The following CD2BP2 variants were observed in gnomAD, a reference collection of about 807,000 sequenced individuals.
The protein encoded by CD2BP2 is CD2 antigen cytoplasmic tail-binding protein 2.
Under a neutral mutation model 35.9 loss-of-function variants are expected in CD2BP2, and 27 were observed. The ratio of observed to expected loss-of-function variants is 0.75; its 90% CI spans 0.55 to 1.04. CD2BP2 has a LOEUF of 1.04. Among genes scored for constraint, CD2BP2 ranks in the 50% least tolerant of loss-of-function variants. The pLI is 0.00. For synonymous variants in CD2BP2, 213 were observed against 173.5 expected, an observed-to-expected ratio of 1.23 and a Z score of -1.79; for missense variants, 497 against 444.3, an observed-to-expected ratio of 1.12 and a Z score of -1.07.
In CD2BP2 at chr16:30,355,293, C is replaced by T. The variant is rs984107625; in HGVS notation, c.-108G>A. On this transcript the variant is annotated 5_prime_UTR_variant, in exon 1 of 7. The change creates a new upstream start codon in the 5' untranslated region. Transcript: ENST00000305596. ...CATCCGGGGCACCCGGCCGCCATCA[C>T]CCGGAAGAGGACTGCGGAAGGCGCC... The T allele has an allele frequency of 1.2e-4, 19 of 152,462 alleles. No homozygotes were observed. The highest frequency in any genetic ancestry group is 1.2e-3 in the Admixed American group (19 of 15,294). 9.4% of individuals were successfully genotyped at this position (152,462 alleles called of 1,614,324 possible). A position where few individuals can be genotyped will look rare whatever the true frequency, so the allele number is the denominator to read the frequency against.
At chr16:30,354,915 G>T in intron 1 of CD2BP2, 1 of 542,382 alleles carries the variant, frequency 1.8e-6, no homozygotes, top group Non-Finnish European at 3.3e-6. Flanking sequence ...GGACGGAGGA[G>T]CGGACCCTCT....
chr16:30,352,459 A>G lies in CD2BP2; in HGVS notation c.*526T>C, dbSNP rs1567406141. On this transcript the variant is annotated 3_prime_UTR_variant, in exon 7 of 7. Coordinates refer to ENST00000305596, the MANE Select transcript of CD2BP2 (RefSeq NM_006110.3). ...CTCATCCCACTTCTGCCCAGCATCT[A>G]AGGAGCTTGAGAGGGTGAAGCGAGA... 1 of 155,804 alleles carries G rather than the reference A, an allele frequency of 6.4e-6. No homozygotes were observed. Among genetic ancestry groups the G allele is most frequent in the East Asian group, 1.9e-4 (1 of 5,254 alleles). The allele number at this position is 155,804 out of a possible 1,614,324, so 9.7% of individuals were successfully genotyped here.
Position 30,354,260 on chromosome 16 carries a change from C to T in CD2BP2, c.141G>A (p.Leu47=), listed in dbSNP as rs554649315. 6.2e-7 allele frequency: 1 copy of T among 1,614,072 alleles called. No individual in the cohort carries two copies. The highest frequency in any genetic ancestry group is 1.1e-5 in the South Asian group (1 of 91,076). The part of the protein sequence containing the change: ...PGSRFKGKHS[L]DSDEEEDDDD... ...CATCATCCTCCTCCTCATCGCTATC[C>T]AAAGAGTGTTTGCCTTTAAAGCGGC... Residue 47 remains leucine, a synonymous_variant, in exon 3 of 7, where the codon TTG becomes TTA. Coordinates refer to ENST00000305596, the MANE Select transcript of CD2BP2 (RefSeq NM_006110.3).
intron 6 of CD2BP2, 24 bp from the exon 7 acceptor site, chr16:30,353,119 G>A (rs746824111): frequency 6.2e-7 from 1 of 1,609,460 alleles, no homozygotes; most frequent in Non-Finnish European, 8.5e-7. Context: ...GCAGAGCTGG[G>A]GAACAACTGA....
At position 30,351,398 on chromosome 16, in the gene CD2BP2, C is replaced by G. The variant is rs1349529178; in HGVS notation, c.*1587G>C. 2 of 152,306 alleles carry G rather than the reference C, an allele frequency of 1.3e-5. No homozygotes were observed. Among genetic ancestry groups the G allele is most frequent in the East Asian group, 1.9e-4 (1 of 5,200 alleles). 9.4% of individuals were successfully genotyped at this position (152,306 alleles called of 1,614,324 possible). A position where few individuals can be genotyped will look rare whatever the true frequency, so the allele number is the denominator to read the frequency against. The stretch of plus-strand genomic sequence containing the variant: ...CAGCCCTGAAACCTGCTTTCCACTT[C>G]CGGACCTTTCTGAAATCAAGACGCA... On this transcript the variant is annotated 3_prime_UTR_variant, in exon 7 of 7. Coordinates refer to ENST00000305596, the MANE Select transcript of CD2BP2 (RefSeq NM_006110.3).
In CD2BP2 at chr16:30,350,806, C is replaced by CTAGAG. The variant is rs2049475968; in HGVS notation, c.*2174_*2178dup. The stretch of plus-strand genomic sequence containing the variant: ...CACACCAATTTATTATCTTACAGTT[C>CTAGAG]TAGAGGTCAGGAGTCCAAAATGGTT... On this transcript the variant is annotated 3_prime_UTR_variant, in exon 7 of 7. Coordinates refer to ENST00000305596, the MANE Select transcript of CD2BP2 (RefSeq NM_006110.3). 6.6e-6 allele frequency: 1 copy of CTAGAG among 152,260 alleles called. No homozygotes were observed. Among genetic ancestry groups the CTAGAG allele is most frequent in the Non-Finnish European group, 1.5e-5 (1 of 68,062 alleles). 9.4% of individuals were successfully genotyped at this position (152,260 alleles called of 1,614,324 possible).
In CD2BP2 at chr16:30,354,662, G is replaced by A. The variant is rs768796593; in HGVS notation, c.20C>T (p.Thr7Ile). 6 of 1,613,880 alleles carry A rather than the reference G, an allele frequency of 3.7e-6. No homozygotes were observed. Among genetic ancestry groups the A allele is most frequent in the East Asian group, 2.2e-5 (1 of 44,878 alleles). The change falls in exon 2 of 7, where the codon ACC becomes ATC. Residue 7 changes from threonine (T) to isoleucine (I), a missense_variant. By Grantham distance (89) the Thr-to-Ile change is moderately conservative (BLOSUM62 -1). Coordinates refer to ENST00000305596, the MANE Select transcript of CD2BP2 (RefSeq NM_006110.3). MPKRKV[T>I]FQGVGDEEDE... ...CTCCTCATCTCCCACGCCTTGGAAGGTCACTTTCCTCTTTGGCATGACGGG... is the reference window on the plus strand; with the variant it reads ...CTCCTCATCTCCCACGCCTTGGAAGATCACTTTCCTCTTTGGCATGACGGG...
rs759878445 is a variant in CD2BP2 at position 30,353,864 on chromosome 16, C to T, written c.375+37G>A. On this transcript the variant is annotated intron_variant, in intron 4 of 6. Transcript: ENST00000305596. The stretch of plus-strand genomic sequence containing the variant: ...ACGGGAGCAGGCCCAGCATCTGCCA[C>T]TCCCAGGCCCCAGCCACGCCAGCCC... 9 of 1,611,046 alleles carry T rather than the reference C, an allele frequency of 5.6e-6. No individual in the cohort carries two copies. In the East Asian group the frequency reaches 1.8e-4, roughly 32 times the overall value.
intron 2 of CD2BP2, 123 bp from the exon 3 acceptor site, chr16:30,354,445 C>T: frequency 7.2e-7 from 1 of 1,386,966 alleles, no homozygotes; most frequent in Non-Finnish European, 9.9e-7. Context: ...CCAAATATTT[C>T]AGGAGCCACA....
Position 30,352,926 on chromosome 16 carries a change from G to C in CD2BP2, c.*59C>G, listed in dbSNP as rs1217691548. 1 of 1,060,590 alleles carries C rather than the reference G, an allele frequency of 9.4e-7. No homozygotes were observed. Among genetic ancestry groups the C allele is most frequent in the African/African-American group, 1.6e-5 (1 of 64,016 alleles). The allele number at this position is 1,060,590 out of a possible 1,614,324, so 65.7% of individuals were successfully genotyped here. ...AATTTCCTCGCTGCCTGAGACACTTGGTGCCTCCTCCACAAAGTCCAGGAA... is the reference window on the plus strand; with the variant it reads ...AATTTCCTCGCTGCCTGAGACACTTCGTGCCTCCTCCACAAAGTCCAGGAA... On this transcript the variant is annotated 3_prime_UTR_variant, in exon 7 of 7. Coordinates refer to ENST00000305596, the MANE Select transcript of CD2BP2 (RefSeq NM_006110.3).
rs571832991 is a variant in CD2BP2 at position 30,353,388 on chromosome 16, G to A, written c.788C>T (p.Pro263Leu). ...EELAEEELET[P>L]TPTQRGEAES... ...CTCACCTCCTCTCTGGGTAGGGGTT[G>A]GGGTCTCCAGTTCCTCCTCCGCCAA... The change falls in exon 5 of 7, where the codon CCA (proline) becomes CTA (leucine). Residue 263 changes from proline (P) to leucine (L), a missense_variant. By Grantham distance (98) the Pro-to-Leu change is moderately conservative. Coordinates refer to ENST00000305596, the MANE Select transcript of CD2BP2 (RefSeq NM_006110.3). The A allele has an allele frequency of 2.5e-6, 4 of 1,614,060 alleles. No individual in the cohort carries two copies. Among genetic ancestry groups the A allele is most frequent in the Middle Eastern group, 1.6e-4 (1 of 6,062 alleles).
chr16:30,353,883 C>G lies in CD2BP2; in HGVS notation c.375+18G>C, dbSNP rs1203433693. On this transcript the variant is annotated intron_variant, in intron 4 of 6. Transcript: ENST00000305596. ...CTGCCACTCCCAGGCCCCAGCCACGCCAGCCCCTGGGCCGCACCCAGTCAA... is the reference window on the plus strand; with the variant it reads ...CTGCCACTCCCAGGCCCCAGCCACGGCAGCCCCTGGGCCGCACCCAGTCAA... The G allele has an allele frequency of 6.2e-7, 1 of 1,613,178 alleles. No individual in the cohort carries two copies. The highest frequency in any genetic ancestry group is 1.3e-5 in the African/African-American group (1 of 74,938).
Position 30,352,060 on chromosome 16 carries a change from GCCAC to G in CD2BP2, c.*921_*924del, listed in dbSNP as rs2049486521. 1 of 152,522 alleles carries G rather than the reference GCCAC, an allele frequency of 6.6e-6. No individual in the cohort carries two copies. Among genetic ancestry groups the G allele is most frequent in the South Asian group, 2.1e-4 (1 of 4,836 alleles). The allele number at this position is 152,522 out of a possible 1,614,324, so 9.4% of individuals were successfully genotyped here. On this transcript the variant is annotated 3_prime_UTR_variant, in exon 7 of 7. Coordinates refer to ENST00000305596, the MANE Select transcript of CD2BP2 (RefSeq NM_006110.3). Reference sequence around the variant, plus strand: ...ACATCTGTCTATTTCCCATGCCCCTGCCACCAGACTCTGAATTCCTGGAAGGGGA... The same window carrying G: ...ACATCTGTCTATTTCCCATGCCCCTGCAGACTCTGAATTCCTGGAAGGGGA...
intron 4 of CD2BP2, 23 bp from the exon 5 acceptor site, chr16:30,353,823 T>C: frequency 6.2e-7 from 1 of 1,605,806 alleles, no homozygotes; most frequent in South Asian, 1.1e-5. Context: ...GATGGAGTGA[T>C]TTCCCACCAA....
At chr16:30,354,406 C>T (rs1389382354) in intron 2 of CD2BP2, 84 bp from the exon 3 acceptor site, 5 of 1,485,598 alleles carry the variant, frequency 3.4e-6, no homozygotes, top group Non-Finnish European at 4.6e-6. Context: ...CAAATATTCC[C>T]CAAATATTTC....
rs555022659 is a variant in CD2BP2 at position 30,352,969 on chromosome 16, T to C, written c.*16A>G. ...TCCAGGAAAGAAGGGCCCACCAAACTGGGCCCCCAGCAGGCTCAGGTGTAG... is the reference window on the plus strand; with the variant it reads ...TCCAGGAAAGAAGGGCCCACCAAACCGGGCCCCCAGCAGGCTCAGGTGTAG... On this transcript the variant is annotated 3_prime_UTR_variant, in exon 7 of 7. Coordinates refer to ENST00000305596, the MANE Select transcript of CD2BP2 (RefSeq NM_006110.3). 23 of 1,552,346 alleles carry C rather than the reference T, an allele frequency of 1.5e-5. 2 individuals carry two copies. The South Asian group carries it at 2.4e-4, about 17-fold the overall frequency.
chr16:30,352,982 G>GGCT lies in CD2BP2; in HGVS notation c.1026_*2dup. On this transcript the variant is annotated 3_prime_UTR_variant, in exon 7 of 7. Transcript: ENST00000305596. ...GGCCCACCAAACTGGGCCCCCAGCA[G>GGCT]GCTCAGGTGTAGAGGTCAAAGTCAA... 6.3e-7 allele frequency: 1 copy of GGCT among 1,598,776 alleles called. No homozygotes were observed. Among genetic ancestry groups the GGCT allele is most frequent in the Non-Finnish European group, 8.6e-7 (1 of 1,166,010 alleles).
chr16:30,353,647 G>A lies in CD2BP2; in HGVS notation c.529C>T (p.Arg177Cys), dbSNP rs1194682744. ...PRETVAGALR[R>C]LGARGGGKGR... The stretch of plus-strand genomic sequence containing the variant: ...TTGCCTCCTCCTCGGGCCCCCAGAC[G>A]CCTCAGTGCCCCAGCCACTGTCTCT... Residue 177 changes from arginine (R) to cysteine (C), a missense_variant, in exon 5 of 7, where the codon CGT (arginine) becomes TGT (cysteine). Transcript: ENST00000305596. 8 of 1,612,986 alleles carry A rather than the reference G, an allele frequency of 5.0e-6. No homozygotes were observed. The highest frequency in any genetic ancestry group is 5.9e-6 in the Non-Finnish European group (7 of 1,179,740).
Position 30,353,908 on chromosome 16 carries a change from A to T in CD2BP2, c.368T>A (p.Ile123Asn). 3.7e-6 allele frequency: 6 copies of T among 1,613,904 alleles called. No homozygotes were observed. The highest frequency in any genetic ancestry group is 5.1e-6 in the Non-Finnish European group (6 of 1,179,970). ...AQIRDSWLDN[I>N]DWVKIRERPP... ...CCAGCCCCTGGGCCGCACCCAGTCAATGTTGTCCAGCCAGCTGTCTCGGAT... is the reference window on the plus strand; with the variant it reads ...CCAGCCCCTGGGCCGCACCCAGTCATTGTTGTCCAGCCAGCTGTCTCGGAT... The change falls in exon 4 of 7, where the codon ATT becomes AAT. Residue 123 changes from isoleucine (I) to asparagine (N), a missense_variant. By Grantham distance (149) the Ile-to-Asn change is moderately radical. Coordinates refer to ENST00000305596, the MANE Select transcript of CD2BP2 (RefSeq NM_006110.3).
Sources: gnomAD v4.1 joint callset for allele counts on GRCh38, gnomAD v4.1.1 for gene constraint, MANE v1.5 for transcripts, NCBI Gene and HGNC (gene_info 2026-07-23, HGNC 2026-07-21) for gene names.